DOCK6: variants seen among roughly 807,000 people sequenced by gnomAD.
DOCK6 encodes the protein dedicator of cytokinesis protein 6.
DOCK6 carries 167 observed loss-of-function variants against 230.3 expected under a neutral mutation model. The ratio of observed to expected loss-of-function variants is 0.73; its 90% CI spans 0.64 to 0.82. The LOEUF is 0.82. Ranked by LOEUF, DOCK6 falls within the 40% of genes least tolerant of loss-of-function variation. DOCK6 has a pLI of 0.00. For missense variants in DOCK6, 2,598 were observed against 2,825.8 expected (o/e 0.92, Z 1.83); for synonymous variants, 1,148 against 1,185.0 (o/e 0.97, Z 0.64).
At position 11,202,254 on chromosome 19, in the gene DOCK6, C is replaced by A; in HGVS notation, c.5452-129G>T. On this transcript the variant is annotated intron_variant, in intron 43 of 47. Transcript: ENST00000294618. The surrounding 1 kb of genome is among the most constrained non-coding windows in gnomAD (Gnocchi z 5.3). The stretch of plus-strand genomic sequence containing the variant: ...TCCTATGTCTGGATGTTTGGGAATC[C>A]CCTGAGGAATAGGTTTTGGGGTCCC... The A allele has an allele frequency of 7.2e-7, 1 of 1,380,318 alleles. No individual in the cohort carries two copies. The highest frequency in any genetic ancestry group is 1.0e-6 in the Non-Finnish European group (1 of 999,282). 85.5% of individuals were successfully genotyped at this position (1,380,318 alleles called of 1,614,324 possible).
In DOCK6 at chr19:11,214,762, CTGTTTTTTGTTTT is replaced by C. The variant is rs1041025643; in HGVS notation, c.4107-126_4107-114del. Reference sequence around the variant, plus strand: ...GGGCACTGGCTCCCTGGAAGCTGTTCTGTTTTTTGTTTTTGTTTTTTTTGTTTTCTGAGACAGG... The same window carrying C: ...GGGCACTGGCTCCCTGGAAGCTGTTCTGTTTTTTTTGTTTTCTGAGACAGG... On this transcript the variant is annotated intron_variant, in intron 32 of 47. Coordinates refer to ENST00000294618, the MANE Select transcript of DOCK6 (RefSeq NM_020812.4). 5.2e-6 allele frequency: 5 copies of C among 952,810 alleles called. No individual in the cohort carries two copies. In the African/African-American group the frequency reaches 8.3e-5, roughly 16 times the overall value. 59.0% of individuals were successfully genotyped at this position (952,810 alleles called of 1,614,324 possible).
chr19:11,249,623 C>A (rs998651859), intron 6 of DOCK6, among the ~76,000 whole-genome samples: 1 of 151,506 alleles, frequency 6.6e-6, no homozygotes, highest in Non-Finnish European at 1.5e-5. Flanking sequence ...AGGCCAGGCG[C>A]GGTGGCTCAA....
intron 30 of DOCK6, 197 bp downstream of exon 30, chr19:11,216,717 C>A: frequency 1.6e-6 from 1 of 623,602 alleles, no homozygotes. Context: ...CCTCCACCTT[C>A]CAAATTCTAT....
At chr19:11,215,510 C>T in intron 31 of DOCK6, 39 bp from the exon 32 acceptor site, 1 of 1,566,506 alleles carries the variant, frequency 6.4e-7, no homozygotes, top group Non-Finnish European at 8.8e-7. Flanking sequence ...TGCGTAAAAA[C>T]ACAGGGCACA....
intron 1 of DOCK6, among the ~76,000 whole-genome samples, chr19:11,258,384 C>G (rs2080229384): frequency 6.6e-6 from 1 of 151,994 alleles, no homozygotes; most frequent in African/African-American, 2.4e-5. Context: ...ATTTCCTTGC[C>G]CTTTGCTTTC....
chr19:11,251,041 T>C lies in DOCK6; in HGVS notation c.553A>G (p.Ser185Gly), dbSNP rs1215018846. 4 of 1,613,322 alleles carry C rather than the reference T, an allele frequency of 2.5e-6. No individual in the cohort carries two copies. The highest frequency in any genetic ancestry group is 3.4e-6 in the Non-Finnish European group (4 of 1,179,742). The change falls in exon 6 of 48, where the codon AGC becomes GGC. Residue 185 changes from serine to glycine, a missense_variant. Coordinates refer to ENST00000294618, the MANE Select transcript of DOCK6 (RefSeq NM_020812.4). ...TCGAAGATGCTAGAGGCACCACTGCTTCGAGGGGTGTCTTCCGGGGAGCCC... is the reference window on the plus strand; with the variant it reads ...TCGAAGATGCTAGAGGCACCACTGCCTCGAGGGGTGTCTTCCGGGGAGCCC... ...GSGSPEDTPR[S>G]SGASSIFDLR...
chr19:11,232,141 C>T, intron 22 of DOCK6: 1 of 1,254,870 alleles, frequency 8.0e-7, no homozygotes, highest in Non-Finnish European at 1.0e-6. Context: ...GGAGCTCATG[C>T]TGAGGTGGTG....
chr19:11,245,603 G>A lies in DOCK6; in HGVS notation c.983C>T (p.Ser328Phe), dbSNP rs1442590965. 2 of 1,576,618 alleles carry A rather than the reference G, an allele frequency of 1.3e-6. No individual in the cohort carries two copies. Among genetic ancestry groups the A allele is most frequent in the East Asian group, 2.3e-5 (1 of 42,724 alleles). ...GATGTCAGGTGAGGGGTAGGTCACA[G>A]AGAAGATGGCAGAGCGGGCCAGGGT... ...ISTLARSAIF[S>F]VTYPSPDIFL... Residue 328 changes from serine (S) to phenylalanine (F), a missense_variant, in exon 9 of 48, where the codon TCT becomes TTT. By Grantham distance (155) the Ser-to-Phe change is radical. Coordinates refer to ENST00000294618, the MANE Select transcript of DOCK6 (RefSeq NM_020812.4).
chr19:11,261,588 A>C (rs934200486), intron 1 of DOCK6, among the ~76,000 whole-genome samples: 4 of 152,066 alleles, frequency 2.6e-5, no homozygotes, highest in Non-Finnish European at 1.5e-5. Context: ...CCCCCCGCCA[A>C]CTGGGGGCGA....
chr19:11,230,826 T>C (rs1024763018), intron 22 of DOCK6, among the ~76,000 whole-genome samples: 2 of 151,898 alleles, frequency 1.3e-5, no homozygotes, highest in Admixed American at 1.3e-4. Flanking sequence ...GAAATGGGTA[T>C]AGGCAGAGGA....
chr19:11,227,942 AAGG>A (rs988815610), intron 23 of DOCK6, among the ~76,000 whole-genome samples: 1 of 151,522 alleles, frequency 6.6e-6, no homozygotes, highest in African/African-American at 2.4e-5. Context: ...AGGCCCTGGG[AAGG>A]AGGCTTCAAA....
chr19:11,229,066 G>A lies in DOCK6; in HGVS notation c.2719-31C>T, dbSNP rs201013585. ...GACAGAGGCAGGGGTCACAGAGTGCGAGGTGCCACCCCTTCCCGTACCCCC... is the reference window on the plus strand; with the variant it reads ...GACAGAGGCAGGGGTCACAGAGTGCAAGGTGCCACCCCTTCCCGTACCCCC... On this transcript the variant is annotated intron_variant, in intron 22 of 47. Transcript: ENST00000294618. The A allele has an allele frequency of 1.6e-3, 2,512 of 1,599,664 alleles. 3 individuals are homozygous for A. Among genetic ancestry groups the A allele is most frequent in the Middle Eastern group, 5.9e-3 (33 of 5,636 alleles).
intron 24 of DOCK6, among the ~76,000 whole-genome samples, chr19:11,224,866 C>T (rs545466442): frequency 5.9e-5 from 9 of 152,098 alleles, no homozygotes; most frequent in African/African-American, 2.2e-4. Context: ...AGTTTGAGAT[C>T]AGCCTGGCCA....
Position 11,201,936 on chromosome 19 carries a change from C to T in DOCK6, c.5641G>A (p.Ala1881Thr), listed in dbSNP as rs368573184. 1.4e-5 allele frequency: 22 copies of T among 1,605,180 alleles called. No individual in the cohort carries two copies. In the African/African-American group the frequency reaches 2.5e-4, roughly 19 times the overall value. The change falls in exon 44 of 48, where the codon GCC (alanine) becomes ACC (threonine). Residue 1881 changes from alanine to threonine, a missense_variant. Transcript: ENST00000294618. This position sits in a 1 kb window ranked among gnomAD's most constrained non-coding sequence, Gnocchi z 4.3. Reference sequence around the variant, plus strand: ...ATGCGAGTCTTGATGTAGGGGAAGGCGTGGTCGGTGCTGAGCAGCGTCTTA... The same window carrying T: ...ATGCGAGTCTTGATGTAGGGGAAGGTGTGGTCGGTGCTGAGCAGCGTCTTA... ...KRKTLLSTDH[A>T]FPYIKTRIRV...
intron 24 of DOCK6, among the ~76,000 whole-genome samples, chr19:11,226,461 C>T (rs1264870006): frequency 1.3e-5 from 2 of 152,180 alleles, no homozygotes; most frequent in African/African-American, 4.8e-5. Context: ...GAGTTCCAGA[C>T]CAGCCAGGCC....
intron 24 of DOCK6, among the ~76,000 whole-genome samples, chr19:11,226,343 T>A (rs1254732650): frequency 1.3e-5 from 2 of 152,126 alleles, no homozygotes; most frequent in African/African-American, 4.8e-5. Flanking sequence ...ACTAACTTCA[T>A]GGGTTGTTGT....
intron 28 of DOCK6, among the ~76,000 whole-genome samples, chr19:11,219,185 T>G (rs1180090291): frequency 2.3e-5 from 3 of 129,164 alleles, no homozygotes; most frequent in Non-Finnish European, 3.3e-5. Context: ...TTTTTTTTTT[T>G]TTTTTTTTTT....
chr19:11,247,635 C>A (rs574539034), intron 7 of DOCK6: 1 of 158,632 alleles, frequency 6.3e-6, no homozygotes, highest in African/African-American at 2.4e-5. Context: ...GGGCCCTGGG[C>A]GGCTGAGAGC....
intron 7 of DOCK6, 86 bp from the exon 8 acceptor site, chr19:11,245,964 G>A: frequency 6.8e-7 from 1 of 1,460,190 alleles, no homozygotes; most frequent in Non-Finnish European, 9.4e-7. Flanking sequence ...CAAGGTGGGG[G>A]GCATCTGACT....
Sources: gnomAD v4.1 joint callset for allele counts (sites outside exome capture counted in the v4.1 genomes callset) on GRCh38, gnomAD v4.1.1 for gene constraint, Gnocchi (gnomAD v3.1) non-coding constraint, MANE v1.5 for transcripts, NCBI Gene and HGNC (gene_info 2026-07-23, HGNC 2026-07-21) for gene names.